CHCHD6: variants seen among roughly 807,000 people sequenced by gnomAD.
The protein encoded by CHCHD6 is coiled-coil-helix-coiled-coil-helix domain containing 6.
CHCHD6 carries 28 observed loss-of-function variants against 32.3 expected under a neutral mutation model. The observed-to-expected ratio is 0.87, with a 90% CI of 0.64 to 1.19. The LOEUF (loss-of-function observed/expected upper bound fraction) is 1.19, where lower values mean the gene tolerates loss of function less well. Ranked by LOEUF, CHCHD6 falls within the 50% of genes most tolerant of loss-of-function variation. The pLI, the probability that CHCHD6 is intolerant of heterozygous loss-of-function variation, is 0.00. For synonymous variants in CHCHD6, 122 were observed against 117.5 expected, an observed-to-expected ratio of 1.04 and a Z score of -0.25; for missense variants, 333 against 307.0, an observed-to-expected ratio of 1.08 and a Z score of -0.63.
At chr3:126,894,037 C>G (rs899277307) in intron 5 of CHCHD6, among the ~76,000 whole-genome samples, 1 of 152,286 alleles carries the variant, frequency 6.6e-6, no homozygotes, top group Non-Finnish European at 1.5e-5. Flanking sequence ...GGAAGCTGCA[C>G]TTGGCTGTTA....
intron 4 of CHCHD6, among the ~76,000 whole-genome samples, chr3:126,777,485 T>C (rs1937705892): frequency 1.3e-5 from 2 of 152,332 alleles, no homozygotes; most frequent in African/African-American, 4.8e-5. Flanking sequence ...AAAATGCTAA[T>C]CTTCAACATT....
chr3:126,950,651 A>G (rs1023096636), intron 6 of CHCHD6, among the ~76,000 whole-genome samples: 1 of 152,184 alleles, frequency 6.6e-6, no homozygotes, highest in East Asian at 1.9e-4. Flanking sequence ...AGGTTTCACC[A>G]TGCTGGCCAG....
At chr3:126,959,355 G>T (rs2078829519) in intron 7 of CHCHD6, among the ~76,000 whole-genome samples, 2 of 152,240 alleles carry the variant, frequency 1.3e-5, no homozygotes, top group Non-Finnish European at 2.9e-5. Flanking sequence ...GTGTGCATTT[G>T]GAGACGGCAT....
At chr3:126,935,907 TG>T (rs1692151347) in intron 6 of CHCHD6, among the ~76,000 whole-genome samples, 1 of 152,252 alleles carries the variant, frequency 6.6e-6, no homozygotes, top group Non-Finnish European at 1.5e-5. Flanking sequence ...AGAACAATGC[TG>T]GGTTTAGGTA....
At chr3:126,909,605 G>T (rs1473996341) in intron 5 of CHCHD6, among the ~76,000 whole-genome samples, 1 of 152,198 alleles carries the variant, frequency 6.6e-6, no homozygotes, top group Admixed American at 6.5e-5. Context: ...TTTAATGGCA[G>T]ATTTAATTAA....
At chr3:126,859,193 A>C (rs913244489) in intron 5 of CHCHD6, among the ~76,000 whole-genome samples, 1 of 152,058 alleles carries the variant, frequency 6.6e-6, no homozygotes, top group East Asian at 1.9e-4. Flanking sequence ...GCGGGGTTCC[A>C]GAGGAGGAGG....
intron 7 of CHCHD6, among the ~76,000 whole-genome samples, chr3:126,958,968 C>T (rs1180697988): frequency 2.0e-5 from 3 of 152,220 alleles, no homozygotes; most frequent in Admixed American, 6.5e-5. Flanking sequence ...AACTCTTTAC[C>T]GAGGGATCTG....
intron 4 of CHCHD6, among the ~76,000 whole-genome samples, chr3:126,843,270 A>T (rs1200738666): frequency 6.6e-6 from 1 of 152,048 alleles, no homozygotes; most frequent in East Asian, 1.9e-4. Flanking sequence ...GGTTATGGGT[A>T]TTATCTTTTT....
intron 5 of CHCHD6, among the ~76,000 whole-genome samples, chr3:126,896,564 G>T (rs1314585713): frequency 1.3e-5 from 2 of 152,134 alleles, no homozygotes; most frequent in Non-Finnish European, 2.9e-5. Flanking sequence ...ACTTCCTCTT[G>T]CATTACCTCC....
At chr3:126,841,247 G>T (rs1247248236) in intron 4 of CHCHD6, among the ~76,000 whole-genome samples, 2 of 152,160 alleles carry the variant, frequency 1.3e-5, no homozygotes, top group African/African-American at 4.8e-5. Flanking sequence ...TGGCTGCATA[G>T]TATTCCATGG....
At chr3:126,782,626 C>T (rs1937999128) in intron 4 of CHCHD6, among the ~76,000 whole-genome samples, 1 of 152,172 alleles carries the variant, frequency 6.6e-6, no homozygotes, top group Non-Finnish European at 1.5e-5. Context: ...GACTCAGGGT[C>T]CAAGGTGGGG....
chr3:126,827,769 GT>G (rs1940461554), intron 4 of CHCHD6, among the ~76,000 whole-genome samples: 1 of 152,226 alleles, frequency 6.6e-6, no homozygotes, highest in South Asian at 2.1e-4. Flanking sequence ...AGCCTGGAAA[GT>G]AAAGGAGAAC....
intron 1 of CHCHD6, among the ~76,000 whole-genome samples, chr3:126,720,939 G>C (rs920103146): frequency 6.6e-6 from 1 of 152,168 alleles, no homozygotes; most frequent in African/African-American, 2.4e-5. Flanking sequence ...AACTTGGGAA[G>C]GTTTCTCCCT....
chr3:126,761,548 C>T (rs1219881267), intron 4 of CHCHD6, among the ~76,000 whole-genome samples: 2 of 152,196 alleles, frequency 1.3e-5, no homozygotes, highest in Admixed American at 6.5e-5. Context: ...TCCTCAGTTT[C>T]CCAAGTATCT....
chr3:126,883,953 T>G (rs2077646209), intron 5 of CHCHD6, among the ~76,000 whole-genome samples: 1 of 151,782 alleles, frequency 6.6e-6, no homozygotes, highest in South Asian at 2.1e-4. Context: ...AAATATTCAC[T>G]GATGGGTTAC....
chr3:126,819,778 G>A (rs1376330573), intron 4 of CHCHD6, among the ~76,000 whole-genome samples: 1 of 152,258 alleles, frequency 6.6e-6, no homozygotes, highest in East Asian at 1.9e-4. Context: ...ACAAGCCCTG[G>A]AGTCACTGTG....
intron 4 of CHCHD6, among the ~76,000 whole-genome samples, chr3:126,851,711 A>G (rs1336313659): frequency 6.6e-6 from 1 of 152,206 alleles, no homozygotes. Flanking sequence ...GGACATGAGT[A>G]TCCCAGTGAC....
chr3:126,860,110 G>A (rs1941806084), intron 5 of CHCHD6, among the ~76,000 whole-genome samples: 1 of 152,128 alleles, frequency 6.6e-6, no homozygotes, highest in Non-Finnish European at 1.5e-5. Flanking sequence ...CCCAGAGTCT[G>A]CACCAGAGAT....
rs146983131 is a variant in CHCHD6 at position 126,955,941 on chromosome 3, C to G, written c.567-1475C>G. On this transcript the variant is annotated intron_variant, in intron 6 of 7. Transcript: ENST00000290913. ...CATGGACGAGAAGGGAAGACCAGAC[C>G]CAGGTGGCATCACTGCTAAGTCAGC... is the stretch of plus-strand genomic sequence containing the variant. 2.8e-3 allele frequency among the ~76,000 whole-genome samples: 427 copies of G among 152,280 alleles called. 2 individuals are homozygous for G. The highest frequency in any genetic ancestry group is 9.8e-3 in the African/African-American group (409 of 41,556).
Sources: gnomAD v4.1 joint callset for allele counts (sites outside exome capture counted in the v4.1 genomes callset) on GRCh38, gnomAD v4.1.1 for gene constraint, MANE v1.5 for transcripts, NCBI Gene and HGNC (gene_info 2026-07-23, HGNC 2026-07-21) for gene names.